Variants in LGSN observed in about 807,000 individuals in gnomAD.
The protein encoded by LGSN is lengsin, lens protein with glutamine synthetase domain.
LGSN carries 21 observed loss-of-function variants against 19.5 expected under a neutral mutation model. The ratio of observed to expected loss-of-function variants is 1.07; its 90% CI spans 0.76 to 1.55. LGSN has a LOEUF of 1.55. LGSN is among the 40% of genes most tolerant of loss of function. The probability of loss-of-function intolerance (pLI) is 0.00; values close to 1 mark genes in which losing one functional copy is unlikely to be tolerated. For synonymous variants in LGSN, 257 were observed against 215.6 expected (o/e 1.19, Z -1.68); for missense variants, 673 against 608.5 (o/e 1.11, Z -1.12).
the LGSN span, among the ~76,000 whole-genome samples, chr6:63,356,698 C>CAT: frequency 2.6e-5 from 4 of 152,048 alleles, no homozygotes; most frequent in Non-Finnish European, 5.9e-5. Context: ...TTGTGCCATG[C>CAT]ATATACCTAG....
the LGSN span, among the ~76,000 whole-genome samples, chr6:63,451,202 A>G: frequency 6.6e-6 from 1 of 152,350 alleles, no homozygotes; most frequent in South Asian, 2.1e-4. Context: ...ATCTAAAAAT[A>G]GAAATACCAT....
At chr6:63,471,580 G>T in the LGSN span, among the ~76,000 whole-genome samples, 26 of 151,364 alleles carry the variant, frequency 1.7e-4, no homozygotes, top group Non-Finnish European at 3.1e-4. Context: ...CAGGAGAATC[G>T]ATTGAACTGG....
the LGSN span, among the ~76,000 whole-genome samples, chr6:63,447,012 G>A: frequency 1.4e-4 from 21 of 152,314 alleles, no homozygotes; most frequent in South Asian, 4.3e-3. Context: ...TCGTGCCGTT[G>A]CACTCCAGCC....
At chr6:63,412,756 AAAGAAAGAAAGAAAGGAAGG>A in the LGSN span, among the ~76,000 whole-genome samples, 16 of 78,580 alleles carry the variant, frequency 2.0e-4, 1 homozygote, top group African/African-American at 3.3e-4. Context: ...AGAAAGAAAG[AAAGAAAGAAAGAAAGGAAGG>A]AAGGGAAGGA....
chr6:63,484,558 AGATGTAAAGACCAATT>A, the LGSN span, among the ~76,000 whole-genome samples: 2 of 152,098 alleles, frequency 1.3e-5, no homozygotes, highest in African/African-American at 4.8e-5. Context: ...AAGACTACCC[AGATGTAAAGACCAATT>A]GACAGCATTT....
the LGSN span, among the ~76,000 whole-genome samples, chr6:63,357,078 G>A: frequency 2.7e-5 from 4 of 148,560 alleles, no homozygotes; most frequent in African/African-American, 7.5e-5. Flanking sequence ...GAGAACATGC[G>A]GTGTTTGGTT....
chr6:63,421,748 G>A, the LGSN span, among the ~76,000 whole-genome samples: 91 of 151,850 alleles, frequency 6.0e-4, no homozygotes, highest in African/African-American at 2.1e-3. Context: ...GAAAAAAAAA[G>A]AAAGAAATTA....
chr6:63,526,837 T>TATA, the LGSN span, among the ~76,000 whole-genome samples: 229 of 87,604 alleles, frequency 2.6e-3, 1 homozygote, highest in African/African-American at 3.6e-3. Context: ...ATATATATAT[T>TATA]TATTTATTTA....
the LGSN span, among the ~76,000 whole-genome samples, chr6:63,351,064 C>T: frequency 2.6e-5 from 4 of 151,892 alleles, no homozygotes; most frequent in East Asian, 5.8e-4. Context: ...CTTTGAGAGG[C>T]GATTAGGTTA....
the LGSN span, among the ~76,000 whole-genome samples, chr6:63,493,099 G>A: frequency 5.9e-5 from 9 of 151,998 alleles, no homozygotes; most frequent in Non-Finnish European, 1.2e-4. Flanking sequence ...AACCCTTCCA[G>A]GTCTGATAAG....
chr6:63,568,685 C>T, the LGSN span, among the ~76,000 whole-genome samples: 19 of 151,204 alleles, frequency 1.3e-4, no homozygotes, highest in African/African-American at 4.1e-4. Flanking sequence ...ATTTGCAAAG[C>T]ACAATAAATG....
chr6:63,473,961 C>T, the LGSN span, among the ~76,000 whole-genome samples: 1 of 149,742 alleles, frequency 6.7e-6, no homozygotes, highest in African/African-American at 2.5e-5. Flanking sequence ...AGCCCTCAAG[C>T]CATTTATTTT....
At chr6:63,528,397 A>G in the LGSN span, among the ~76,000 whole-genome samples, 5 of 150,840 alleles carry the variant, frequency 3.3e-5, no homozygotes, top group Non-Finnish European at 5.9e-5. Context: ...GCAATTAGAA[A>G]TCAGCCTGGG....
At chr6:63,519,264 A>G in the LGSN span, among the ~76,000 whole-genome samples, 2 of 151,902 alleles carry the variant, frequency 1.3e-5, no homozygotes, top group African/African-American at 4.8e-5. Flanking sequence ...CCGAGATCAC[A>G]CCATTGCACT....
the LGSN span, among the ~76,000 whole-genome samples, chr6:63,565,079 C>T: frequency 6.6e-6 from 1 of 152,076 alleles, no homozygotes; most frequent in African/African-American, 2.4e-5. Context: ...GGCATGATCA[C>T]AGCTCACTGC....
the LGSN span, among the ~76,000 whole-genome samples, chr6:63,456,148 T>G: frequency 6.6e-6 from 1 of 151,450 alleles, no homozygotes; most frequent in African/African-American, 2.4e-5. Flanking sequence ...GAGAATCCCT[T>G]GAATCCGGGA....
the LGSN span, among the ~76,000 whole-genome samples, chr6:63,415,764 T>C: frequency 6.6e-6 from 1 of 152,238 alleles, no homozygotes; most frequent in African/African-American, 2.4e-5. Context: ...CCAATCATTA[T>C]GCTTTGCTAC....
chr6:63,554,428 T>G, the LGSN span, among the ~76,000 whole-genome samples: 1 of 152,158 alleles, frequency 6.6e-6, no homozygotes, highest in Non-Finnish European at 1.5e-5. Flanking sequence ...TTACCTCCAC[T>G]CCCACATTAC....
the LGSN span, among the ~76,000 whole-genome samples, chr6:63,444,778 A>C: frequency 3.1e-4 from 47 of 152,266 alleles, no homozygotes; most frequent in African/African-American, 1.1e-3. Context: ...CCTGAGAAGA[A>C]TCTGGTTGAA....
Sources: gnomAD v4.1 joint callset for allele counts (sites outside exome capture counted in the v4.1 genomes callset) on GRCh38, gnomAD v4.1.1 for gene constraint, MANE v1.5 for transcripts, NCBI Gene and HGNC (gene_info 2026-07-23, HGNC 2026-07-21) for gene names.